Variants in NSG2 observed in about 807,000 individuals in gnomAD.
NSG2 encodes the protein neuronal vesicle trafficking-associated protein 2.
Under a neutral mutation model 16.9 loss-of-function variants are expected in NSG2, and 4 were observed. The ratio of observed to expected loss-of-function variants is 0.24; its 90% CI spans 0.12 to 0.54. The LOEUF (loss-of-function observed/expected upper bound fraction) is 0.54. Among genes scored for constraint, NSG2 ranks in the 20% least tolerant of loss-of-function variants. The pLI, the probability that NSG2 is intolerant of heterozygous loss-of-function variation, is 0.95. For missense variants in NSG2, 179 were observed against 221.1 expected, an observed-to-expected ratio of 0.81 and a Z score of 1.21; for synonymous variants, 98 against 88.7, an observed-to-expected ratio of 1.11 and a Z score of -0.59.
At chr5:174,055,597 C>T (rs1401564076) in intron 2 of NSG2, among the ~76,000 whole-genome samples, 1 of 151,676 alleles carries the variant, frequency 6.6e-6, no homozygotes, top group Non-Finnish European at 1.5e-5. Context: ...GAGACTCTGT[C>T]TCAAAAAAAT....
intron 4 of NSG2, among the ~76,000 whole-genome samples, chr5:174,105,980 C>T (rs1328771095): frequency 3.9e-5 from 6 of 152,190 alleles, no homozygotes; most frequent in African/African-American, 1.2e-4. Flanking sequence ...GTGACACATC[C>T]ACCCAGTGGA....
intron 2 of NSG2, among the ~76,000 whole-genome samples, chr5:174,051,293 G>T (rs1040367033): frequency 6.6e-6 from 1 of 152,032 alleles, no homozygotes; most frequent in Non-Finnish European, 1.5e-5. Flanking sequence ...TGTCAACAGC[G>T]CCAAGGTTGG....
intron 2 of NSG2, among the ~76,000 whole-genome samples, chr5:174,060,092 C>T (rs941449983): frequency 1.3e-5 from 2 of 152,128 alleles, no homozygotes; most frequent in Non-Finnish European, 2.9e-5. Context: ...AATATCATAG[C>T]GCTTTTGGTT....
At chr5:174,055,107 C>A (rs985145277) in intron 2 of NSG2, among the ~76,000 whole-genome samples, 1 of 152,162 alleles carries the variant, frequency 6.6e-6, no homozygotes, top group Non-Finnish European at 1.5e-5. Context: ...CCCCAGGCAG[C>A]AAGGAGAGGT....
At chr5:174,077,878 A>G (rs1291898442) in intron 3 of NSG2, among the ~76,000 whole-genome samples, 1 of 152,166 alleles carries the variant, frequency 6.6e-6, no homozygotes, top group African/African-American at 2.4e-5. Flanking sequence ...GTTTTAAAAT[A>G]AGAATAACAT....
At chr5:174,055,722 A>G (rs1450882259) in intron 2 of NSG2, among the ~76,000 whole-genome samples, 1 of 152,218 alleles carries the variant, frequency 6.6e-6, no homozygotes, top group Non-Finnish European at 1.5e-5. Context: ...CCAGCAAGAA[A>G]GACAAAGTTT....
intron 3 of NSG2, among the ~76,000 whole-genome samples, chr5:174,067,602 T>TA (rs1214293964): frequency 1.3e-5 from 2 of 152,250 alleles, no homozygotes; most frequent in Non-Finnish European, 2.9e-5. Flanking sequence ...CAGATTCTCT[T>TA]ATGCTTATGT....
chr5:174,099,773 A>T (rs564982985), intron 3 of NSG2, among the ~76,000 whole-genome samples: 1 of 151,866 alleles, frequency 6.6e-6, no homozygotes. Flanking sequence ...ATGTTCTTCC[A>T]TGAAGTCACT....
At chr5:174,100,963 A>G (rs1760888854) in intron 3 of NSG2, among the ~76,000 whole-genome samples, 1 of 152,258 alleles carries the variant, frequency 6.6e-6, no homozygotes, top group Admixed American at 6.5e-5. Flanking sequence ...TTGGGGTTGC[A>G]CATGGTCATT....
intron 3 of NSG2, among the ~76,000 whole-genome samples, chr5:174,071,620 C>G (rs1760243591): frequency 6.6e-6 from 1 of 152,234 alleles, no homozygotes; most frequent in African/African-American, 2.4e-5. Context: ...GTTTCATCCG[C>G]TCACCGATCC....
chr5:174,083,807 G>A lies in NSG2; in HGVS notation c.213+19492G>A, dbSNP rs78876851. Among the ~76,000 whole-genome samples, 228 of 152,302 alleles carry A rather than the reference G, an allele frequency of 1.5e-3. 2 individuals carry two copies. In the East Asian group the frequency reaches 0.022, roughly 15 times the overall value. ...GCATCTTCTGGGTTCTAGGCACAGT[G>A]ACTGCTGCATTTGTCTACTTCCTTG... On this transcript the variant is annotated intron_variant, in intron 3 of 4. Coordinates refer to ENST00000303177, the MANE Select transcript of NSG2 (RefSeq NM_015980.5).
intron 3 of NSG2, among the ~76,000 whole-genome samples, chr5:174,097,869 GTGTC>G (rs1173962431): frequency 6.6e-6 from 1 of 150,804 alleles, no homozygotes; most frequent in East Asian, 1.9e-4. Flanking sequence ...GTGTGTATGA[GTGTC>G]TGTGTGTCTG....
intron 3 of NSG2, among the ~76,000 whole-genome samples, chr5:174,091,898 T>A (rs989811325): frequency 6.6e-6 from 1 of 152,214 alleles, no homozygotes; most frequent in Non-Finnish European, 1.5e-5. Context: ...AAACCAGGAA[T>A]ATCAACAGTC....
rs149356429 is a variant in NSG2, at chr5:174,108,815, A to G, written c.*1310A>G. On this transcript the variant is annotated 3_prime_UTR_variant, in exon 5 of 5. Coordinates refer to ENST00000303177, the MANE Select transcript of NSG2 (RefSeq NM_015980.5). ...CAGCTGGGAGAATTGGTTATTTGAG[A>G]TGTGGTACTGCTTCCTCACAAGTCT... The G allele has an allele frequency of 5.2e-5, 8 of 152,828 alleles. No homozygotes were observed. The highest frequency in any genetic ancestry group is 1.7e-4 in the African/African-American group (7 of 41,566). The allele number at this position is 152,828 out of a possible 1,614,324, so 9.5% of individuals were successfully genotyped here.
chr5:174,066,175 C>T (rs950182578), intron 3 of NSG2: 1 of 456,238 alleles, frequency 2.2e-6, no homozygotes, highest in Non-Finnish European at 4.4e-6. Flanking sequence ...AGAGCAGTGG[C>T]TGGTCTTACT....
intron 3 of NSG2, among the ~76,000 whole-genome samples, chr5:174,089,340 A>T (rs1315834110): frequency 6.6e-6 from 1 of 152,202 alleles, no homozygotes; most frequent in Non-Finnish European, 1.5e-5. Flanking sequence ...CTCATCCTGC[A>T]GTGCAAGGAG....
At chr5:174,075,215 G>A (rs989679743) in intron 3 of NSG2, among the ~76,000 whole-genome samples, 19 of 151,854 alleles carry the variant, frequency 1.3e-4, no homozygotes, top group African/African-American at 3.6e-4. Context: ...TTTAATATAC[G>A]GATGAGAAAG....
At chr5:174,070,174 A>G (rs888261873) in intron 3 of NSG2, among the ~76,000 whole-genome samples, 3 of 152,130 alleles carry the variant, frequency 2.0e-5, no homozygotes, top group Admixed American at 6.5e-5. Context: ...GGTGTGAGCC[A>G]TCATGCCCCG....
At chr5:174,060,158 T>C (rs1760026305) in intron 2 of NSG2, among the ~76,000 whole-genome samples, 2 of 152,300 alleles carry the variant, frequency 1.3e-5, no homozygotes, top group Admixed American at 1.3e-4. Flanking sequence ...ATTATGAGAA[T>C]AAAAATGATA....
Sources: gnomAD v4.1 joint callset for allele counts (sites outside exome capture counted in the v4.1 genomes callset) on GRCh38, gnomAD v4.1.1 for gene constraint, MANE v1.5 for transcripts, NCBI Gene and HGNC (gene_info 2026-07-23, HGNC 2026-07-21) for gene names.